Variants in LRR1 observed in about 807,000 individuals in gnomAD.
LRR1 encodes the protein leucine-rich repeat protein 1.
LRR1 carries 29 observed loss-of-function variants against 31.6 expected under a neutral mutation model. The observed-to-expected ratio is 0.92, with a 90% CI of 0.68 to 1.25. The LOEUF (loss-of-function observed/expected upper bound fraction) is 1.25, where lower values mean the gene tolerates loss of function less well. Ranked by LOEUF, LRR1 falls within the 50% of genes most tolerant of loss-of-function variation. The pLI, the probability that LRR1 is intolerant of heterozygous loss-of-function variation, is 0.00. For missense variants in LRR1, 485 were observed against 487.2 expected, an observed-to-expected ratio of 1.00 and a Z score of 0.04; for synonymous variants, 179 against 181.4, an observed-to-expected ratio of 0.99 and a Z score of 0.10.
intron 3 of LRR1, 105 bp downstream of exon 3, chr14:49,608,226 G>A (rs1594589245): frequency 8.3e-7 from 1 of 1,202,588 alleles, no homozygotes; most frequent in African/African-American, 1.5e-5. Context: ...GCTATGCACA[G>A]TCTGACCCTT....
chr14:49,607,448 C>T lies in LRR1; in HGVS notation c.331C>T (p.His111Tyr). 1 of 1,609,280 alleles carries T rather than the reference C, an allele frequency of 6.2e-7. No individual in the cohort carries two copies. Among genetic ancestry groups the T allele is most frequent in the Non-Finnish European group, 8.5e-7 (1 of 1,178,208 alleles). The stretch of plus-strand genomic sequence containing the variant: ...TTTCCTTTCAGCTATGAGACTGGCT[C>T]ATAGAGGCTGTAATGTTGATACACC... ...KGFLSAMRLA[H>Y]RGCNVDTPVS... is the part of the protein sequence containing the mutation. The change falls in exon 3 of 4, where the codon CAT becomes TAT. Residue 111 changes from histidine to tyrosine, a missense_variant. Transcript: ENST00000298288.
Position 49,602,370 on chromosome 14 carries a change from C to G in LRR1, c.184C>G (p.Leu62Val), listed in dbSNP as rs144778460. 6.2e-7 allele frequency: 1 copy of G among 1,611,506 alleles called. No individual in the cohort carries two copies. Among genetic ancestry groups the G allele is most frequent in the East Asian group, 2.2e-5 (1 of 44,834 alleles). Residue 62 changes from leucine (L) to valine (V), a missense_variant and splice_region_variant, in exon 2 of 4, where the codon CTA becomes GTA. Leu to Val is a conservative substitution (Grantham distance 32). Transcript: ENST00000298288. ...TTTTTTTTCTATTGGTTTTATGCAG[C>G]TAAGGGAGAACATTGAGCAATTCTT... Reference protein sequence around the residue: ...LKDKRGTRYELRENIEQFFTK... With the variant: ...LKDKRGTRYEVRENIEQFFTK...
intron 2 of LRR1, among the ~76,000 whole-genome samples, chr14:49,606,078 G>A (rs1025305640): frequency 8.3e-5 from 12 of 144,292 alleles, no homozygotes; most frequent in Admixed American, 2.2e-4. Context: ...CCAGGCTGCC[G>A]TGCAGTCTTG....
At chr14:49,604,815 G>T (rs947133382) in intron 2 of LRR1, among the ~76,000 whole-genome samples, 1 of 116,668 alleles carries the variant, frequency 8.6e-6, no homozygotes, top group African/African-American at 3.1e-5. Context: ...AAAACTGGTG[G>T]TTTTTTTCTG....
chr14:49,611,304 G>A (rs895669630), intron 3 of LRR1, among the ~76,000 whole-genome samples: 4 of 151,806 alleles, frequency 2.6e-5, no homozygotes, highest in African/African-American at 7.3e-5. Flanking sequence ...GTGAAACCTC[G>A]TCTCTACTAA....
chr14:49,601,188 A>G (rs56388169), intron 1 of LRR1: 1 of 1,541,204 alleles, frequency 6.5e-7, no homozygotes, highest in South Asian at 1.2e-5. Context: ...AGTGTAACCT[A>G]AATATTTCTA....
intron 1 of LRR1, among the ~76,000 whole-genome samples, chr14:49,602,127 C>CAAA (rs571748856): frequency 2.9e-5 from 3 of 103,224 alleles, no homozygotes; most frequent in African/African-American, 1.1e-4. Context: ...GACTCTGTCT[C>CAAA]AAAAAAAAAC....
rs887278106 is a variant in LRR1 at position 49,612,478 on chromosome 14, C to G, written c.1005-1778C>G. The G allele has an allele frequency of 4.0e-5, 50 of 1,251,880 alleles. No individual in the cohort carries two copies. The African/African-American group carries it at 7.6e-4, about 19-fold the overall frequency. 77.5% of individuals were successfully genotyped at this position (1,251,880 alleles called of 1,614,324 possible). On this transcript the variant is annotated intron_variant, in intron 3 of 3. Transcript: ENST00000298288. ...GTCTGTTTCCTCAATCTAGAACCAT[C>G]TATCCGAAAGAGATTAATGTAAACA...
intron 2 of LRR1, among the ~76,000 whole-genome samples, chr14:49,605,824 G>A (rs1182577403): frequency 2.0e-5 from 3 of 152,110 alleles, no homozygotes; most frequent in Non-Finnish European, 4.4e-5. Flanking sequence ...AGTTGACCCA[G>A]GTCTTCTCCA....
chr14:49,611,272 C>T (rs1398616383), intron 3 of LRR1, among the ~76,000 whole-genome samples: 4 of 151,024 alleles, frequency 2.6e-5, no homozygotes, highest in Admixed American at 2.0e-4. Flanking sequence ...GTCGGGAGTT[C>T]GAGACCACAC....
At chr14:49,600,337 C>A (rs1373418837) in intron 1 of LRR1, 2 of 1,536,610 alleles carry the variant, frequency 1.3e-6, no homozygotes, top group East Asian at 4.5e-5. Context: ...CCAAATGTAC[C>A]CTTTTTATTA....
At chr14:49,601,807 C>A (rs1324207780) in intron 1 of LRR1, among the ~76,000 whole-genome samples, 2 of 146,834 alleles carry the variant, frequency 1.4e-5, no homozygotes, top group African/African-American at 5.1e-5. Flanking sequence ...AGTATAACTT[C>A]CCAACTGCTA....
At chr14:49,599,297 A>C (rs1279274436) in intron 1 of LRR1, 94 bp downstream of exon 1, 1 of 1,381,440 alleles carries the variant, frequency 7.2e-7, no homozygotes, top group Non-Finnish European at 9.6e-7. Flanking sequence ...GCTGCTCCCT[A>C]GGCGAAAGCC....
chr14:49,606,033 CTT>C (rs544111582), intron 2 of LRR1, among the ~76,000 whole-genome samples: 4 of 124,438 alleles, frequency 3.2e-5, no homozygotes, highest in Admixed American at 8.2e-5. Context: ...TTTTTTTTTT[CTT>C]TTTTTTTTTT....
intron 1 of LRR1, chr14:49,600,269 T>A (rs902668630): frequency 2.0e-6 from 3 of 1,481,852 alleles, no homozygotes; most frequent in African/African-American, 2.9e-5. Flanking sequence ...CGGTGGTAAA[T>A]CCAGCCTCAT....
In LRR1 at chr14:49,603,681, C is replaced by CTT. The variant is rs1192131820; in HGVS notation, c.282+1239_282+1240dup. The CTT allele has an allele frequency of 4.7e-3, 3,192 of 672,872 alleles. 11 individuals are homozygous for CTT. Among genetic ancestry groups the CTT allele is most frequent in the South Asian group, 8.6e-3 (108 of 12,604 alleles). The allele number at this position is 672,872 out of a possible 1,614,324, so 41.7% of individuals were successfully genotyped here. On this transcript the variant is annotated intron_variant, in intron 2 of 3. Coordinates refer to ENST00000298288, the MANE Select transcript of LRR1 (RefSeq NM_152329.4). ...TGCCTGGCCCTTACTGTAATCATTC[C>CTT]TTTTTTTTTTTTTTTTTTTTTTTTT... is the stretch of plus-strand genomic sequence containing the variant.
intron 3 of LRR1, among the ~76,000 whole-genome samples, chr14:49,612,153 T>C (rs1882537263): frequency 6.6e-6 from 1 of 152,198 alleles, no homozygotes; most frequent in Admixed American, 6.5e-5. Flanking sequence ...TTTGGCAGAA[T>C]AGTAATTTAT....
At chr14:49,613,688 C>T (rs959132879) in intron 3 of LRR1, among the ~76,000 whole-genome samples, 2 of 147,736 alleles carry the variant, frequency 1.4e-5, no homozygotes, top group Non-Finnish European at 3.0e-5. Context: ...TGGTGGTAGG[C>T]GCCTGTAATC....
Position 49,614,305 on chromosome 14 carries a change from G to C in LRR1, c.1054G>C (p.Asp352His). The C allele has an allele frequency of 6.2e-7, 1 of 1,613,564 alleles. No individual in the cohort carries two copies. The highest frequency in any genetic ancestry group is 1.1e-5 in the South Asian group (1 of 91,066). ...TCCATTCCATCTCTGCCAAGATTTG[G>C]ATACCGCAAAAATTTGTGTTTGTGG... ...IIPFHLCQDL[D>H]TAKICVCGRF... Residue 352 changes from aspartate (D) to histidine (H), a missense_variant, in exon 4 of 4, where the codon GAT (aspartate) becomes CAT (histidine). This residue lies in a region of LRR1 where 210 missense variants were observed against 200.4 expected (regional missense o/e 1.05). Transcript: ENST00000298288.
Sources: gnomAD v4.1 joint callset for allele counts (sites outside exome capture counted in the v4.1 genomes callset) on GRCh38, gnomAD v4.1.1 for gene constraint, gnomAD v4.1.1 regional missense constraint, MANE v1.5 for transcripts, NCBI Gene and HGNC (gene_info 2026-07-23, HGNC 2026-07-21) for gene names.